Variants in USP34 observed in about 807,000 individuals in gnomAD.
USP34 encodes the protein ubiquitin carboxyl-terminal hydrolase 34.
USP34 carries 70 observed loss-of-function variants against 460.3 expected under a neutral mutation model. The ratio of observed to expected loss-of-function variants is 0.15; its 90% CI spans 0.13 to 0.19. The LOEUF (loss-of-function observed/expected upper bound fraction) is 0.19. USP34 is among the 10% of genes least tolerant of loss of function. The pLI, the probability that USP34 is intolerant of heterozygous loss-of-function variation, is 1.00. For synonymous variants in USP34, 1,647 were observed against 1,405.3 expected (o/e 1.17, Z -3.85); for missense variants, 3,985 against 4,236.2 (o/e 0.94, Z 1.65).
intron 2 of USP34, chr2:61,416,800 C>T: frequency 4.7e-6 from 2 of 422,530 alleles, no homozygotes; most frequent in South Asian, 8.2e-5. Flanking sequence ...GTGTTATTAA[C>T]CTCCCTAATC....
At chr2:61,454,795 C>G (rs1464880934) in intron 1 of USP34, among the ~76,000 whole-genome samples, 2 of 149,620 alleles carry the variant, frequency 1.3e-5, no homozygotes, top group Non-Finnish European at 3.0e-5. Context: ...GTGATCCGCC[C>G]GCCTAGGCCT....
rs1694839530 is a variant in USP34 at position 61,437,293 on chromosome 2, A to G, written c.44-16460T>C. Among the ~76,000 whole-genome samples the G allele has an allele frequency of 2.0e-5, 3 of 152,174 alleles. No individual in the cohort carries two copies. In the South Asian group the frequency reaches 6.2e-4, roughly 31 times the overall value. On this transcript the variant is annotated intron_variant, in intron 1 of 79. Coordinates refer to ENST00000398571, the MANE Select transcript of USP34 (RefSeq NM_014709.4). ...AATCAACAAACCTTTAGCTAGACTA[A>G]GGAAAAAAGAGACAAGACCCAAATA...
At chr2:61,259,578 G>T (rs970083425) in intron 44 of USP34, 133 bp downstream of exon 44, 65 of 645,450 alleles carry the variant, frequency 1.0e-4, no homozygotes, top group Non-Finnish European at 1.4e-4. Context: ...TAGAGATGGG[G>T]TTTCACCATG....
At chr2:61,369,017 A>G (rs1025340276) in intron 10 of USP34, among the ~76,000 whole-genome samples, 7 of 152,246 alleles carry the variant, frequency 4.6e-5, no homozygotes, top group East Asian at 1.9e-4. Flanking sequence ...ATAGCAAAAA[A>G]TATGAACAAT....
chr2:61,332,094 CTT>C (rs896642012), intron 19 of USP34, among the ~76,000 whole-genome samples: 8 of 152,004 alleles, frequency 5.3e-5, no homozygotes, highest in African/African-American at 1.4e-4. Flanking sequence ...AAGAAAAAGA[CTT>C]TGGGTTTGAA....
chr2:61,394,780 GAGCATAAAATT>G, intron 5 of USP34, 62 bp downstream of exon 5: 1 of 1,211,510 alleles, frequency 8.3e-7, no homozygotes, highest in Non-Finnish European at 1.1e-6. Context: ...TTCCTTTTCA[GAGCATAAAATT>G]CATGTTACTG....
intron 49 of USP34, 67 bp downstream of exon 49, chr2:61,248,444 A>G (rs1688482219): frequency 6.9e-7 from 1 of 1,459,172 alleles, no homozygotes; most frequent in Non-Finnish European, 9.2e-7. Context: ...ACAACTTTAT[A>G]ATTATGCCTA....
rs964676928 is a variant in USP34, at chr2:61,188,498, G to A, written c.10245C>T (p.Tyr3415=). 3 of 1,614,068 alleles carry A rather than the reference G, an allele frequency of 1.9e-6. No homozygotes were observed. Among genetic ancestry groups the A allele is most frequent in the Non-Finnish European group, 2.5e-6 (3 of 1,180,032 alleles). ...AAAACGAAGATGGAACTTCCATTCG[G>A]TATTCTTTAACAGAACTATTTTCAG... ...PSPENSSVKE[Y]RMEVPSSFSE... The change falls in exon 80 of 80, where the codon TAC becomes TAT. Residue 3415 remains tyrosine, a synonymous_variant. Coordinates refer to ENST00000398571, the MANE Select transcript of USP34 (RefSeq NM_014709.4).
intron 41 of USP34, among the ~76,000 whole-genome samples, chr2:61,271,833 T>G (rs4599092): frequency 0.54 from 82,634 of 152,018 alleles, 22,678 homozygotes; most frequent in South Asian, 0.74. Context: ...CTGCATGAAA[T>G]TCAGTTCTAG....
At chr2:61,297,308 C>T (rs1315280467) in intron 29 of USP34, among the ~76,000 whole-genome samples, 1 of 152,176 alleles carries the variant, frequency 6.6e-6, no homozygotes, top group African/African-American at 2.4e-5. Flanking sequence ...GAATTAAATC[C>T]TTGAACTTCC....
At chr2:61,394,533 CAAAAA>C (rs200686763) in intron 5 of USP34, among the ~76,000 whole-genome samples, 1 of 110,062 alleles carries the variant, frequency 9.1e-6, no homozygotes, top group Non-Finnish European at 1.9e-5. Flanking sequence ...CCCTCTCTCT[CAAAAA>C]AAAAAAAAAA....
intron 8 of USP34, among the ~76,000 whole-genome samples, chr2:61,374,437 T>G (rs1325523879): frequency 6.6e-6 from 1 of 152,184 alleles, no homozygotes. Flanking sequence ...AATCAGTACT[T>G]GTGGCATTTT....
chr2:61,280,629 G>A (rs1298095238), intron 38 of USP34, among the ~76,000 whole-genome samples: 9 of 152,086 alleles, frequency 5.9e-5, no homozygotes, highest in Non-Finnish European at 1.0e-4. Context: ...ACAACACACT[G>A]AATTTCTGGG....
intron 10 of USP34, among the ~76,000 whole-genome samples, chr2:61,352,043 G>T (rs766552607): frequency 4.5e-4 from 69 of 152,102 alleles, no homozygotes; most frequent in Non-Finnish European, 8.8e-4. Flanking sequence ...TCAGGTTTTG[G>T]ATTTTTCCAC....
chr2:61,418,084 T>A (rs1437008520), intron 2 of USP34, among the ~76,000 whole-genome samples: 4 of 149,986 alleles, frequency 2.7e-5, no homozygotes, highest in African/African-American at 9.9e-5. Context: ...CTTGTTAACA[T>A]ACTTTTTTTT....
intron 8 of USP34, among the ~76,000 whole-genome samples, chr2:61,371,439 A>C (rs995838816): frequency 1.2e-4 from 14 of 116,696 alleles, no homozygotes; most frequent in African/African-American, 4.1e-4. Context: ...GTATTATTAA[A>C]AAGTTAAAAA....
intron 2 of USP34, among the ~76,000 whole-genome samples, chr2:61,418,075 T>A (rs1332059160): frequency 2.7e-5 from 4 of 150,826 alleles, no homozygotes; most frequent in African/African-American, 9.8e-5. Context: ...TATTAAATTC[T>A]TGTTAACATA....
At chr2:61,296,450 A>T (rs971609121) in intron 30 of USP34, among the ~76,000 whole-genome samples, 2 of 152,222 alleles carry the variant, frequency 1.3e-5, no homozygotes, top group African/African-American at 4.8e-5. Context: ...ACACTGATGC[A>T]CATCATTTCA....
intron 53 of USP34, among the ~76,000 whole-genome samples, chr2:61,241,098 G>A (rs988742541): frequency 4.0e-5 from 6 of 151,714 alleles, no homozygotes; most frequent in Admixed American, 1.3e-4. Flanking sequence ...AGGCTGGAGT[G>A]CAGTGGTGTG....
Sources: gnomAD v4.1 joint callset for allele counts (sites outside exome capture counted in the v4.1 genomes callset) on GRCh38, gnomAD v4.1.1 for gene constraint, MANE v1.5 for transcripts, NCBI Gene and HGNC (gene_info 2026-07-23, HGNC 2026-07-21) for gene names.